Variants in FGFR2 observed in about 807,000 individuals in gnomAD.
FGFR2 encodes BEK fibroblast growth factor receptor.
A neutral mutation model predicts 95.9 loss-of-function variants in FGFR2; 19 were observed. That is an observed-to-expected ratio of 0.20 (90% confidence interval 0.14 to 0.29). The LOEUF is 0.29. Ranked by LOEUF, FGFR2 falls within the 10% of genes least tolerant of loss-of-function variation. The pLI is 1.00. For missense variants in FGFR2, 707 were observed against 1,056.9 expected, an observed-to-expected ratio of 0.67 and a Z score of 4.59; for synonymous variants, 392 against 393.3, an observed-to-expected ratio of 1.00 and a Z score of 0.04.
At chr10:121,564,429 G>A in intron 4 of FGFR2, 73 bp downstream of exon 4, 1 of 1,375,100 alleles carries the variant, frequency 7.3e-7, no homozygotes, top group Non-Finnish European at 1.0e-6. Context: ...GAGTCGACAA[G>A]AAGACAGGTG....
rs1159063118 is a variant in FGFR2 at position 121,520,014 on chromosome 10, C to T, written c.904G>A (p.Gly302Arg). 10 of 1,614,076 alleles carry T rather than the reference C, an allele frequency of 6.2e-6. No homozygotes were observed. Among genetic ancestry groups the T allele is most frequent in the African/African-American group, 5.3e-5 (4 of 74,922 alleles). The change falls in exon 7 of 18, where the codon GGG becomes AGG. Residue 302 changes from glycine (G) to arginine (R), a missense_variant. Around this residue, in one of 7 missense-constraint regions of FGFR2, gnomAD observed 139 missense variants for 278.1 expected, o/e 0.50. Coordinates refer to ENST00000358487, the MANE Select transcript of FGFR2 (RefSeq NM_000141.5). ...TTGAGGTAGGGCAGCCCGTCGGGCC[C>T]GTATTTACTGCCGTTCTTTTCCACG... ...KHVEKNGSKY[G>R]PDGLPYLKVL...
chr10:121,509,482 C>CTTTTTTTTTTTTTTTTTT (rs67778522), intron 9 of FGFR2, among the ~76,000 whole-genome samples: 2 of 45,346 alleles, frequency 4.4e-5, no homozygotes, highest in Admixed American at 3.6e-4. Flanking sequence ...TGTTTCTTTT[C>CTTTTTTTTTTTTTTTTTT]TTTTTTTTTT....
chr10:121,526,212 A>G (rs1851346407), intron 6 of FGFR2: 3 of 398,532 alleles, frequency 7.5e-6, no homozygotes, highest in Non-Finnish European at 8.8e-6. Flanking sequence ...GGGAAAGAAC[A>G]TTCTGCGATT....
chr10:121,534,552 C>T (rs572072839), intron 6 of FGFR2, among the ~76,000 whole-genome samples: 1 of 152,048 alleles, frequency 6.6e-6, no homozygotes, highest in Admixed American at 6.6e-5. Context: ...CCCACCACCA[C>T]ACCCGGCTAA....
Position 121,577,134 on chromosome 10 carries a change from CAAAAAAAAAAAA to C in FGFR2, c.110-11442_110-11431del, listed in dbSNP as rs1169487586. ...TGGATGACAGAGCGAGACTCCATCTCAAAAAAAAAAAAAAAAAAAAAAAAATATATATATATA... is the reference window on the plus strand; with the variant it reads ...TGGATGACAGAGCGAGACTCCATCTCAAAAAAAAAAAAATATATATATATA... On this transcript the variant is annotated intron_variant, in intron 2 of 17. Coordinates refer to ENST00000358487, the MANE Select transcript of FGFR2 (RefSeq NM_000141.5). Among the ~76,000 whole-genome samples the C allele has an allele frequency of 3.0e-3, 12 of 3,954 alleles. 2 individuals are homozygous for C. The South Asian group carries it at 0.18, about 58-fold the overall frequency. The allele number at this position is 3,954 out of a possible 152,430, so 2.6% of individuals were successfully genotyped here.
intron 13 of FGFR2, among the ~76,000 whole-genome samples, chr10:121,490,713 G>A (rs1846024560): frequency 6.6e-6 from 1 of 152,114 alleles, no homozygotes; most frequent in Admixed American, 6.6e-5. Context: ...GCTGAAATGG[G>A]GGCGATCTTA....
intron 6 of FGFR2, among the ~76,000 whole-genome samples, chr10:121,533,131 G>A (rs1852320655): frequency 6.6e-6 from 1 of 152,228 alleles, no homozygotes; most frequent in Admixed American, 6.5e-5. Flanking sequence ...GCTCATGCCT[G>A]TAATCTTGGC....
At position 121,589,092 on chromosome 10, in the gene FGFR2, C is replaced by A. The variant is rs145696251; in HGVS notation, c.109+4617G>T. On this transcript the variant is annotated intron_variant, in intron 2 of 17. Coordinates refer to ENST00000358487, the MANE Select transcript of FGFR2 (RefSeq NM_000141.5). ...ACTGCCTACAGAGATGTCCCCCTGG[C>A]GAGAATCGGACCAGTACAGTGGAGA... 1.4e-3 allele frequency among the ~76,000 whole-genome samples: 209 copies of A among 152,258 alleles called. 2 individuals are homozygous for A. Among genetic ancestry groups the A allele is most frequent in the African/African-American group, 4.5e-3 (186 of 41,532 alleles).
At chr10:121,525,010 G>A in intron 6 of FGFR2, among the ~76,000 whole-genome samples, 1 of 152,294 alleles carries the variant, frequency 6.6e-6, no homozygotes, top group Middle Eastern at 3.4e-3. Flanking sequence ...GGAAGGACAG[G>A]AAGGATTTAC....
At chr10:121,536,726 A>C (rs1852883032) in intron 6 of FGFR2, among the ~76,000 whole-genome samples, 1 of 152,206 alleles carries the variant, frequency 6.6e-6, no homozygotes, top group Non-Finnish European at 1.5e-5. Flanking sequence ...AACTTGCTTT[A>C]AGCAAGAGCC....
At chr10:121,564,418 A>G in intron 4 of FGFR2, 84 bp downstream of exon 4, 1 of 1,247,988 alleles carries the variant, frequency 8.0e-7, no homozygotes. Flanking sequence ...ATGGCGCAGA[A>G]GAGTCGACAA....
chr10:121,523,642 C>T (rs1368857480), intron 6 of FGFR2, among the ~76,000 whole-genome samples: 3 of 152,224 alleles, frequency 2.0e-5, no homozygotes, highest in African/African-American at 7.2e-5. Context: ...TTCCTTCACA[C>T]AGAAATGTGA....
chr10:121,571,976 T>G (rs910737702), intron 2 of FGFR2, among the ~76,000 whole-genome samples: 2 of 151,398 alleles, frequency 1.3e-5, no homozygotes, highest in African/African-American at 4.9e-5. Context: ...TTGACTGTTT[T>G]GATACTTTAA....
intron 12 of FGFR2, among the ~76,000 whole-genome samples, 169 bp downstream of exon 12, chr10:121,498,326 C>G (rs1188384546): frequency 6.6e-6 from 1 of 152,172 alleles, no homozygotes; most frequent in Non-Finnish European, 1.5e-5. Flanking sequence ...GGGCACAGAC[C>G]CTTCTTTGTG....
intron 15 of FGFR2, among the ~76,000 whole-genome samples, chr10:121,486,716 T>C (rs143658641): frequency 1.2e-4 from 18 of 152,328 alleles, no homozygotes; most frequent in African/African-American, 3.6e-4. Context: ...CTGGGATTGA[T>C]TACAGGTATG....
chr10:121,501,404 G>A lies in FGFR2; in HGVS notation c.1440-457C>T, dbSNP rs1419990019. Among the ~76,000 whole-genome samples the A allele has an allele frequency of 4.6e-5, 7 of 152,058 alleles. No homozygotes were observed. In the East Asian group the frequency reaches 1.3e-3, roughly 29 times the overall value. ...TGGTCACATTCCTTGCCAAGTTACAGGATATGCCTCTTAAAAGCATTTCAA... is the reference window on the plus strand; with the variant it reads ...TGGTCACATTCCTTGCCAAGTTACAAGATATGCCTCTTAAAAGCATTTCAA... On this transcript the variant is annotated intron_variant, in intron 10 of 17. Transcript: ENST00000358487.
At chr10:121,570,388 G>A (rs1858465953) in intron 2 of FGFR2, among the ~76,000 whole-genome samples, 1 of 152,196 alleles carries the variant, frequency 6.6e-6, no homozygotes, top group African/African-American at 2.4e-5. Context: ...GTGCCTGCAT[G>A]TGCAAAGGGG....
chr10:121,489,279 G>A (rs970386634), intron 13 of FGFR2, among the ~76,000 whole-genome samples: 3 of 151,988 alleles, frequency 2.0e-5, no homozygotes, highest in African/African-American at 7.3e-5. Flanking sequence ...TCACCATGTC[G>A]GTCAGGCTGG....
At chr10:121,561,645 A>G (rs547700641) in intron 4 of FGFR2, among the ~76,000 whole-genome samples, 1 of 152,340 alleles carries the variant, frequency 6.6e-6, no homozygotes, top group Non-Finnish European at 1.5e-5. Context: ...TTGGGTGATG[A>G]CATTTTAGGT....
Sources: gnomAD v4.1 joint callset for allele counts (sites outside exome capture counted in the v4.1 genomes callset) on GRCh38, gnomAD v4.1.1 for gene constraint, gnomAD v4.1.1 regional missense constraint, MANE v1.5 for transcripts, NCBI Gene and HGNC (gene_info 2026-07-23, HGNC 2026-07-21) for gene names.